The following RNF169 variants were observed in gnomAD, a reference collection of about 807,000 sequenced individuals.
The protein encoded by RNF169 is ring finger protein 169.
In RNF169, 24 loss-of-function variants were observed where a neutral mutation model predicts 53.9. The observed-to-expected ratio is 0.45, with a 90% CI of 0.32 to 0.63. The LOEUF (loss-of-function observed/expected upper bound fraction) is 0.63, where lower values mean the gene tolerates loss of function less well. RNF169 is among the 20% of genes least tolerant of loss of function. The pLI, the probability that RNF169 is intolerant of heterozygous loss-of-function variation, is 0.04. For synonymous variants in RNF169, 396 were observed against 363.5 expected, an observed-to-expected ratio of 1.09 and a Z score of -1.02; for missense variants, 883 against 906.2, an observed-to-expected ratio of 0.97 and a Z score of 0.33.
intron 4 of RNF169, 118 bp downstream of exon 4, chr11:74,817,832 A>T: frequency 1.4e-6 from 1 of 705,394 alleles, no homozygotes; most frequent in Non-Finnish European, 2.5e-6. Flanking sequence ...GGAAGGGGAG[A>T]AAAGAGGTGG....
intron 1 of RNF169, among the ~76,000 whole-genome samples, chr11:74,759,907 C>T (rs1457085742): frequency 6.6e-6 from 1 of 151,710 alleles, no homozygotes; most frequent in African/African-American, 2.4e-5. Flanking sequence ...CTTTGTACCT[C>T]TGGTAGAATT....
intron 1 of RNF169, among the ~76,000 whole-genome samples, chr11:74,785,231 T>TATGATATATATATGATATATATATATGA (rs1415945901): frequency 1.1e-5 from 1 of 87,024 alleles, no homozygotes; most frequent in East Asian, 3.3e-4. Context: ...GTTATATATA[T>TATGATATATATATGATATATATATATGA]TATATATATG....
intron 1 of RNF169, among the ~76,000 whole-genome samples, chr11:74,758,784 G>A (rs561027857): frequency 3.3e-5 from 5 of 152,134 alleles, no homozygotes; most frequent in African/African-American, 9.7e-5. Flanking sequence ...GATTACAGGC[G>A]TGAGCCACCG....
intron 1 of RNF169, among the ~76,000 whole-genome samples, chr11:74,751,149 G>A (rs188865744): frequency 0.012 from 1,655 of 143,282 alleles, 33 homozygotes; most frequent in African/African-American, 0.047. Context: ...GGGATTACAG[G>A]CGTGAGCCAC....
intron 1 of RNF169, among the ~76,000 whole-genome samples, chr11:74,782,725 C>T (rs2035433868): frequency 6.6e-6 from 1 of 151,956 alleles, no homozygotes; most frequent in Non-Finnish European, 1.5e-5. Flanking sequence ...CTCAGTTAAC[C>T]ATTTTATAAC....
chr11:74,795,740 C>T (rs139161752), intron 2 of RNF169, among the ~76,000 whole-genome samples: 1,600 of 152,220 alleles, frequency 0.011, 33 homozygotes, highest in African/African-American at 0.034. Context: ...GCCTGTAGTC[C>T]TAGCTACTCG....
intron 1 of RNF169, 116 bp downstream of exon 1, chr11:74,749,498 G>A: frequency 1.1e-6 from 1 of 901,818 alleles, no homozygotes; most frequent in Non-Finnish European, 1.4e-6. Flanking sequence ...GAGAGTTCTC[G>A]TGGGATTAGA....
chr11:74,779,309 G>A (rs901827906), intron 1 of RNF169, among the ~76,000 whole-genome samples: 1 of 152,042 alleles, frequency 6.6e-6, no homozygotes, highest in African/African-American at 2.4e-5. Context: ...AGTAGTAGTA[G>A]TACTACTACT....
chr11:74,769,342 T>C (rs1364154843), intron 1 of RNF169, among the ~76,000 whole-genome samples: 1 of 152,200 alleles, frequency 6.6e-6, no homozygotes, highest in East Asian at 1.9e-4. Context: ...TAATTTGTAA[T>C]TGATTAATTA....
chr11:74,826,425 T>G (rs2036098830), intron 4 of RNF169, among the ~76,000 whole-genome samples: 1 of 152,186 alleles, frequency 6.6e-6, no homozygotes, highest in Non-Finnish European at 1.5e-5. Flanking sequence ...TACCACCACC[T>G]GGACTCTACC....
chr11:74,762,367 G>GA (rs35538981), intron 1 of RNF169, among the ~76,000 whole-genome samples: 40,774 of 151,936 alleles, frequency 0.27, 5,724 homozygotes, highest in South Asian at 0.42. Context: ...TCCTTTGGAG[G>GA]AGGAGAGGCG....
chr11:74,780,259 C>CA (rs2035397734), intron 1 of RNF169, among the ~76,000 whole-genome samples: 1 of 152,186 alleles, frequency 6.6e-6, no homozygotes, highest in Non-Finnish European at 1.5e-5. Flanking sequence ...TCTTGACTCT[C>CA]AAAGAATGCT....
At chr11:74,808,974 G>A (rs923421062) in intron 2 of RNF169, among the ~76,000 whole-genome samples, 1 of 151,914 alleles carries the variant, frequency 6.6e-6, no homozygotes, top group African/African-American at 2.4e-5. Context: ...GGTGTTCTTT[G>A]CATATTCATA....
rs524187 is a variant in RNF169, at chr11:74,756,368, T to C, written c.502+6986T>C. On this transcript the variant is annotated intron_variant, in intron 1 of 5. Transcript: ENST00000299563. ...TGGAGACAGACTACCTGGGTTCAAATTCTAGCTTTGCTATTTATAGCTGTA... is the reference window on the plus strand; with the variant it reads ...TGGAGACAGACTACCTGGGTTCAAACTCTAGCTTTGCTATTTATAGCTGTA... Among the ~76,000 whole-genome samples the C allele has an allele frequency of 1.5e-4, 23 of 152,200 alleles. No homozygotes were observed. In the East Asian group the frequency reaches 4.2e-3, roughly 28 times the overall value.
chr11:74,799,265 A>G (rs1237249259), intron 2 of RNF169, among the ~76,000 whole-genome samples: 1 of 152,026 alleles, frequency 6.6e-6, no homozygotes, highest in African/African-American at 2.4e-5. Flanking sequence ...TATTAAGGAG[A>G]AGGAAAAATT....
chr11:74,754,105 A>G (rs1162592791), intron 1 of RNF169, among the ~76,000 whole-genome samples: 2 of 152,172 alleles, frequency 1.3e-5, no homozygotes, highest in East Asian at 1.9e-4. Flanking sequence ...GAATTATGTA[A>G]TATGTGTCTA....
At chr11:74,772,740 AT>A (rs2035278603) in intron 1 of RNF169, among the ~76,000 whole-genome samples, 2 of 152,226 alleles carry the variant, frequency 1.3e-5, no homozygotes, top group Non-Finnish European at 2.9e-5. Flanking sequence ...TCATAGTGAT[AT>A]TTAAACAGTA....
intron 1 of RNF169, among the ~76,000 whole-genome samples, chr11:74,750,992 C>G (rs887569185): frequency 6.6e-6 from 1 of 150,842 alleles, no homozygotes; most frequent in Non-Finnish European, 1.5e-5. Context: ...CTCCTGCCTC[C>G]GCCCAGTAGC....
rs566246903 is a variant in RNF169 at position 74,840,590 on chromosome 11, C to CT, written c.*3861dup. Reference sequence around the variant, plus strand: ...CCTCAATTCAGTAACCACCTAATCTCTCCCCCAACCTGATCTCTCATCAGA... The same window carrying CT: ...CCTCAATTCAGTAACCACCTAATCTCTTCCCCCAACCTGATCTCTCATCAGA... On this transcript the variant is annotated 3_prime_UTR_variant, in exon 6 of 6. Transcript: ENST00000299563. 2.6e-4 allele frequency: 39 copies of CT among 152,182 alleles called. No homozygotes were observed. The highest frequency in any genetic ancestry group is 8.5e-4 in the African/African-American group (35 of 41,420). 9.4% of individuals were successfully genotyped at this position (152,182 alleles called of 1,614,324 possible).
Sources: gnomAD v4.1 joint callset for allele counts (sites outside exome capture counted in the v4.1 genomes callset) on GRCh38, gnomAD v4.1.1 for gene constraint, MANE v1.5 for transcripts, NCBI Gene and HGNC (gene_info 2026-07-23, HGNC 2026-07-21) for gene names.